Variants in KSR2 observed in about 807,000 individuals in gnomAD.
KSR2 encodes kinase suppressor of ras 2.
Under a neutral mutation model 107.8 loss-of-function variants are expected in KSR2, and 25 were observed. The ratio of observed to expected loss-of-function variants is 0.23; its 90% CI spans 0.17 to 0.32. The LOEUF (loss-of-function observed/expected upper bound fraction) is 0.32. KSR2 is among the 10% of genes least tolerant of loss of function. The pLI is 1.00. For synonymous variants in KSR2, 480 were observed against 507.0 expected (o/e 0.95, Z 0.71); for missense variants, 887 against 1,268.9 (o/e 0.70, Z 4.57).
chr12:117,913,694 C>G (rs1895092061), intron 1 of KSR2, among the ~76,000 whole-genome samples: 1 of 152,162 alleles, frequency 6.6e-6, no homozygotes, highest in African/African-American at 2.4e-5. Flanking sequence ...AGGGTGTCCC[C>G]TACAGCTTTC....
chr12:117,772,982 T>A (rs911318366), intron 3 of KSR2, among the ~76,000 whole-genome samples: 1 of 152,216 alleles, frequency 6.6e-6, no homozygotes, highest in African/African-American at 2.4e-5. Flanking sequence ...AACTAGAAGT[T>A]TGGGGCTAAA....
intron 3 of KSR2, among the ~76,000 whole-genome samples, chr12:117,766,409 G>A (rs1171739711): frequency 2.6e-5 from 4 of 152,218 alleles, no homozygotes; most frequent in African/African-American, 9.7e-5. Context: ...GGAATGGGGA[G>A]TGACTGTTAA....
At position 117,475,079 on chromosome 12, in the gene KSR2, G is replaced by T. The variant is rs115937816; in HGVS notation, c.2582+1385C>A. Among the ~76,000 whole-genome samples, 1,024 of 152,224 alleles carry T rather than the reference G, an allele frequency of 6.7e-3. 11 individuals carry two copies. The highest frequency in any genetic ancestry group is 0.023 in the African/African-American group (959 of 41,538). On this transcript the variant is annotated intron_variant, in intron 17 of 19. Coordinates refer to ENST00000339824, the MANE Select transcript of KSR2 (RefSeq NM_173598.6). ...CACAGGCTCTGATTCAGTGAAGGCT[G>T]CCAGCATTTCCCTGTGTATTGGACA...
chr12:117,639,629 G>GTATTATTAT (rs5801245), intron 5 of KSR2, among the ~76,000 whole-genome samples: 53,593 of 137,602 alleles, frequency 0.39, 11,761 homozygotes, highest in Non-Finnish European at 0.49. Context: ...CGCACCCAGC[G>GTATTATTAT]TATTATTATT....
chr12:117,663,899 CA>C (rs1477172804), intron 5 of KSR2, among the ~76,000 whole-genome samples: 2 of 152,170 alleles, frequency 1.3e-5, no homozygotes, highest in African/African-American at 4.8e-5. Context: ...AGCACCTAAG[CA>C]AACCACCAGA....
In KSR2 at chr12:117,762,883, CT is replaced by C. The variant is rs964289671; in HGVS notation, c.473-1360del. On this transcript the variant is annotated intron_variant, in intron 3 of 19. Transcript: ENST00000339824. Reference sequence around the variant, plus strand: ...AACTCAGTCTCAAAAAAAAAAAAACCTTTTTTTTATTTTATTATTATTATAC... The same window carrying C: ...AACTCAGTCTCAAAAAAAAAAAAACCTTTTTTTATTTTATTATTATTATAC... 6.0e-5 allele frequency among the ~76,000 whole-genome samples: 9 copies of C among 149,452 alleles called. No homozygotes were observed. In the East Asian group the frequency reaches 9.8e-4, roughly 16 times the overall value.
intron 5 of KSR2, among the ~76,000 whole-genome samples, chr12:117,641,104 T>G (rs1054413679): frequency 6.6e-6 from 1 of 152,136 alleles, no homozygotes; most frequent in Non-Finnish European, 1.5e-5. Context: ...TTGTTTTATT[T>G]TGTTTTGTTT....
At chr12:117,870,093 G>A (rs995118985) in intron 1 of KSR2, among the ~76,000 whole-genome samples, 23 of 152,166 alleles carry the variant, frequency 1.5e-4, no homozygotes, top group African/African-American at 3.9e-4. Flanking sequence ...AGCTGTTCAC[G>A]GCTCCTTCCC....
intron 14 of KSR2, among the ~76,000 whole-genome samples, chr12:117,491,163 T>A (rs961730645): frequency 6.6e-6 from 1 of 152,138 alleles, no homozygotes; most frequent in Admixed American, 6.5e-5. Context: ...AGTGAGATCA[T>A]GTGGTATTTG....
chr12:117,901,523 G>A (rs1052878150), intron 1 of KSR2, among the ~76,000 whole-genome samples: 1 of 151,902 alleles, frequency 6.6e-6, no homozygotes, highest in Non-Finnish European at 1.5e-5. Context: ...GGCTGGTCTC[G>A]AACTCCTGAC....
At chr12:117,869,694 G>T (rs183114847) in intron 1 of KSR2, among the ~76,000 whole-genome samples, 3 of 152,302 alleles carry the variant, frequency 2.0e-5, no homozygotes, top group African/African-American at 2.4e-5. Context: ...GTACAGATCT[G>T]CCTCGTTCTT....
At chr12:117,943,987 T>TCACCATGATTGTGCCTTTCACCTTC (rs1300985791) in intron 1 of KSR2, among the ~76,000 whole-genome samples, 1 of 152,160 alleles carries the variant, frequency 6.6e-6, no homozygotes, top group African/African-American at 2.4e-5. Context: ...CTTTCACCTT[T>TCACCATGATTGTGCCTTTCACCTTC]CACCATGATT....
chr12:117,626,923 C>T (rs949826306), intron 5 of KSR2, among the ~76,000 whole-genome samples: 1 of 152,060 alleles, frequency 6.6e-6, no homozygotes, highest in African/African-American at 2.4e-5. Flanking sequence ...GGATAGTTAG[C>T]TCTTCTTGTT....
intron 12 of KSR2, among the ~76,000 whole-genome samples, chr12:117,528,792 C>G (rs1228122587): frequency 6.6e-6 from 1 of 152,194 alleles, no homozygotes; most frequent in South Asian, 2.1e-4. Context: ...TGCATCAAGG[C>G]GTGATTCCAG....
At chr12:117,724,477 T>C (rs1480836749) in intron 4 of KSR2, among the ~76,000 whole-genome samples, 2 of 152,146 alleles carry the variant, frequency 1.3e-5, no homozygotes, top group Non-Finnish European at 2.9e-5. Flanking sequence ...GGCAATATAA[T>C]CTTGCCATTT....
At chr12:117,708,614 C>T (rs1944890584) in intron 4 of KSR2, among the ~76,000 whole-genome samples, 1 of 152,220 alleles carries the variant, frequency 6.6e-6, no homozygotes, top group African/African-American at 2.4e-5. Context: ...TATCTCTCTG[C>T]TGTCAGTCTC....
At chr12:117,894,512 A>T (rs1182434178) in intron 1 of KSR2, among the ~76,000 whole-genome samples, 3 of 152,124 alleles carry the variant, frequency 2.0e-5, no homozygotes, top group Non-Finnish European at 4.4e-5. Context: ...AAAAAAATTA[A>T]TAAAAAATTA....
At chr12:117,545,008 T>C (rs947671587) in intron 9 of KSR2, among the ~76,000 whole-genome samples, 13 of 152,232 alleles carry the variant, frequency 8.5e-5, no homozygotes. Flanking sequence ...TCCTCATTTT[T>C]ACTTTTCTGA....
In KSR2 at chr12:117,964,936, C is replaced by G. The variant is rs573579561; in HGVS notation, c.180+3140G>C. Among the ~76,000 whole-genome samples, 3 of 152,298 alleles carry G rather than the reference C, an allele frequency of 2.0e-5. No homozygotes were observed. The East Asian group carries it at 5.8e-4, about 29-fold the overall frequency. ...GGCTGTCCACTTACTTAATATCTAC[C>G]TATGCCTCCTTCCACACTAGCAGAG... On this transcript the variant is annotated intron_variant, in intron 1 of 19. Coordinates refer to ENST00000339824, the MANE Select transcript of KSR2 (RefSeq NM_173598.6).
Sources: allele counts gnomAD v4.1 joint callset (sites outside exome capture counted in the v4.1 genomes callset), GRCh38; gene constraint gnomAD v4.1.1; transcripts MANE v1.5; gene names NCBI Gene and HGNC (gene_info 2026-07-23, HGNC 2026-07-21).